Variants in ZNF74 observed in about 807,000 individuals in gnomAD.
The protein encoded by ZNF74 is zinc finger protein 74, also known as zinc finger protein 520.
In ZNF74, 12 loss-of-function variants were observed where a neutral mutation model predicts 17.7. The ratio of observed to expected loss-of-function variants is 0.68; its 90% CI spans 0.43 to 1.10. The LOEUF (loss-of-function observed/expected upper bound fraction) is 1.10. Among genes scored for constraint, ZNF74 ranks in the 50% least tolerant of loss-of-function variants. ZNF74 has a pLI of 0.00. For synonymous variants in ZNF74, 358 were observed against 362.1 expected (o/e 0.99, Z 0.13); for missense variants, 811 against 881.0 (o/e 0.92, Z 1.01).
rs1352297258 is a variant in ZNF74 at position 20,406,816 on chromosome 22, A to G, written c.1783A>G (p.Thr595Ala). Reference sequence around the variant, plus strand: ...CCAGTTCAACAAACACCTGCTCAGCACATACTACGTGCCTGGCAGCCTGCT... The same window carrying G: ...CCAGTTCAACAAACACCTGCTCAGCGCATACTACGTGCCTGGCAGCCTGCT... ...AIQFNKHLLS[T>A]YYVPGSLLGA... Residue 595 changes from threonine to alanine, a missense_variant, in exon 5 of 5, where the codon ACA becomes GCA. Physicochemically the swap from Thr to Ala is moderately conservative, Grantham distance 58. This residue lies in a region of ZNF74 where 115 missense variants were observed against 119.5 expected (regional missense o/e 0.96). Transcript: ENST00000400451. 1 of 1,614,110 alleles carries G rather than the reference A, an allele frequency of 6.2e-7. No homozygotes were observed. The highest frequency in any genetic ancestry group is 1.7e-5 in the Admixed American group (1 of 60,024).
Position 20,407,850 on chromosome 22 carries a change from G to A in ZNF74, c.*882G>A, listed in dbSNP as rs551159585. The A allele has an allele frequency of 9.2e-5, 14 of 152,300 alleles. No homozygotes were observed. Among genetic ancestry groups the A allele is most frequent in the East Asian group, 5.8e-4 (3 of 5,180 alleles). The allele number at this position is 152,300 out of a possible 1,614,324, so 9.4% of individuals were successfully genotyped here. A position where few individuals can be genotyped will look rare whatever the true frequency, so the allele number is the denominator to read the frequency against. On this transcript the variant is annotated 3_prime_UTR_variant, in exon 5 of 5. Coordinates refer to ENST00000400451, the MANE Select transcript of ZNF74 (RefSeq NM_003426.4). ...GGCATTCCCACAGCTGTCACAGCACGGCCCAGCATCATTGTAGCCAGATCC... is the reference window on the plus strand; with the variant it reads ...GGCATTCCCACAGCTGTCACAGCACAGCCCAGCATCATTGTAGCCAGATCC...
intron 2 of ZNF74, among the ~76,000 whole-genome samples, chr22:20,399,109 G>A (rs546042333): frequency 2.4e-4 from 37 of 152,266 alleles, no homozygotes; most frequent in African/African-American, 8.4e-4. Context: ...CTTGGTAAAT[G>A]TTCCACATGC....
In ZNF74 at chr22:20,401,133, C is replaced by A; in HGVS notation, c.248-144C>A. 1.6e-6 allele frequency: 1 copy of A among 626,896 alleles called. No individual in the cohort carries two copies. Among genetic ancestry groups the A allele is most frequent in the Non-Finnish European group, 2.9e-6 (1 of 349,966 alleles). The allele number at this position is 626,896 out of a possible 1,614,324, so 38.8% of individuals were successfully genotyped here. On this transcript the variant is annotated intron_variant, in intron 3 of 4. Transcript: ENST00000400451. This position sits in a 1 kb window ranked among gnomAD's most constrained non-coding sequence, Gnocchi z 4.2. ...GGGATTTGGGTTCCAGTCTGAGACC[C>A]TCACTGCTTTTGGCCCAGAGGACCT... is the stretch of plus-strand genomic sequence containing the variant.
At chr22:20,404,970 T>C (rs933379186) in intron 4 of ZNF74, among the ~76,000 whole-genome samples, 13 of 152,186 alleles carry the variant, frequency 8.5e-5, no homozygotes, top group African/African-American at 3.1e-4. Context: ...AAACATGTAT[T>C]TGTCCTGTGT....
At chr22:20,398,045 G>A (rs1241817933) in intron 2 of ZNF74, among the ~76,000 whole-genome samples, 1 of 152,216 alleles carries the variant, frequency 6.6e-6, no homozygotes, top group Non-Finnish European at 1.5e-5. Context: ...CAGGCCGGGT[G>A]CAGTGGCTCA....
In ZNF74 at chr22:20,401,549, A is replaced by G. The variant is rs1196455087; in HGVS notation, c.343+177A>G. ...CGTACTGAGCACTGCCTGTGTGCTG[A>G]GACCTGTTCTGGGATACAACAGGGA... On this transcript the variant is annotated intron_variant, in intron 4 of 4. Coordinates refer to ENST00000400451, the MANE Select transcript of ZNF74 (RefSeq NM_003426.4). The surrounding 1 kb of genome is among the most constrained non-coding windows in gnomAD (Gnocchi z 4.2). 1.3e-5 allele frequency among the ~76,000 whole-genome samples: 2 copies of G among 152,190 alleles called. No homozygotes were observed. Among genetic ancestry groups the G allele is most frequent in the Admixed American group, 6.5e-5 (1 of 15,280 alleles).
chr22:20,406,522 G>A lies in ZNF74; in HGVS notation c.1489G>A (p.Glu497Lys), dbSNP rs2052431522. ...CGTGCACCGGCGCATCCACACAGGCGAGAAGCCCTTCGACTGCAGCCAGTG... is the reference window on the plus strand; with the variant it reads ...CGTGCACCGGCGCATCCACACAGGCAAGAAGCCCTTCGACTGCAGCCAGTG... ...LIVHRRIHTG[E>K]KPFDCSQCWK... Residue 497 changes from glutamate (E) to lysine (K), a missense_variant, in exon 5 of 5, where the codon GAG (glutamate) becomes AAG (lysine). Coordinates refer to ENST00000400451, the MANE Select transcript of ZNF74 (RefSeq NM_003426.4). 6.2e-7 allele frequency: 1 copy of A among 1,614,130 alleles called. No individual in the cohort carries two copies.
rs770396197 is a variant in ZNF74, at chr22:20,405,762, C to G, written c.729C>G (p.Ala243=). 1 of 1,606,486 alleles carries G rather than the reference C, an allele frequency of 6.2e-7. No individual in the cohort carries two copies. Among genetic ancestry groups the G allele is most frequent in the South Asian group, 1.1e-5 (1 of 90,562 alleles). ...PQVRRQRGAG[A]GEGEFVCGEC... ...TGCGCCGGCAGCGCGGGGCGGGCGC[C>G]GGGGAGGGCGAGTTCGTGTGCGGCG... Residue 243 remains alanine (A), a synonymous_variant, in exon 5 of 5, where the codon GCC becomes GCG. Transcript: ENST00000400451.
In ZNF74 at chr22:20,407,568, G is replaced by A. The variant is rs1392166626; in HGVS notation, c.*600G>A. ...GCAAGACCCTGTGTGAAATTAAAAG[G>A]AGGTATATCAACTGTTGTATCCTCG... On this transcript the variant is annotated 3_prime_UTR_variant, in exon 5 of 5. Coordinates refer to ENST00000400451, the MANE Select transcript of ZNF74 (RefSeq NM_003426.4). The A allele has an allele frequency of 6.6e-6, 1 of 152,600 alleles. No individual in the cohort carries two copies. Among genetic ancestry groups the A allele is most frequent in the Non-Finnish European group, 1.5e-5 (1 of 68,380 alleles). The allele number at this position is 152,600 out of a possible 1,614,324, so 9.5% of individuals were successfully genotyped here.
In ZNF74 at chr22:20,400,346, A is replaced by G. The variant is rs1187690468; in HGVS notation, c.121-286A>G. The G allele has an allele frequency of 9.5e-6, 4 of 419,418 alleles. No homozygotes were observed. The Admixed American group carries it at 1.5e-4, about 16-fold the overall frequency. 26.0% of individuals were successfully genotyped at this position (419,418 alleles called of 1,614,324 possible). ...TTAGAGCCTGATACAACAGCCATGT[A>G]CAGCCCCTGGGTCCCACCGCAAGTT... is the stretch of plus-strand genomic sequence containing the variant. On this transcript the variant is annotated intron_variant, in intron 2 of 4. Coordinates refer to ENST00000400451, the MANE Select transcript of ZNF74 (RefSeq NM_003426.4).
intron 2 of ZNF74, among the ~76,000 whole-genome samples, chr22:20,399,343 T>C (rs1287938926): frequency 1.3e-5 from 2 of 152,000 alleles, no homozygotes; most frequent in African/African-American, 4.8e-5. Context: ...TAGTCCTCTC[T>C]CTGAAATCTA....
rs368450641 is a variant in ZNF74 at position 20,406,960 on chromosome 22, C to G, written c.1927C>G (p.Arg643Gly). ...GAATTTCTCCCTGGGGAGCAAACCT[C>G]GAAACTAACATGATGTGCTTTGGTG... Reference protein sequence around the residue: ...GRNFSLGSKPRN With the variant: ...GRNFSLGSKPGN The change falls in exon 5 of 5, where the codon CGA (arginine) becomes GGA (glycine). Residue 643 changes from arginine (R) to glycine (G), a missense_variant. By Grantham distance (125) the Arg-to-Gly change is moderately radical. Transcript: ENST00000400451. 37 of 1,611,316 alleles carry G rather than the reference C, an allele frequency of 2.3e-5. No individual in the cohort carries two copies. The highest frequency in any genetic ancestry group is 5.3e-5 in the African/African-American group (4 of 74,892).
In ZNF74 at chr22:20,406,809, G is replaced by C. The variant is rs201562425; in HGVS notation, c.1776G>C (p.Leu592=). The part of the protein sequence containing the change: ...KPLAIQFNKH[L]LSTYYVPGSL... ...TGGCCATCCAGTTCAACAAACACCT[G>C]CTCAGCACATACTACGTGCCTGGCA... is the stretch of plus-strand genomic sequence containing the variant. Residue 592 remains leucine, a synonymous_variant, in exon 5 of 5, where the codon CTG becomes CTC. Coordinates refer to ENST00000400451, the MANE Select transcript of ZNF74 (RefSeq NM_003426.4). 2 of 1,614,116 alleles carry C rather than the reference G, an allele frequency of 1.2e-6. No individual in the cohort carries two copies. Among genetic ancestry groups the C allele is most frequent in the East Asian group, 4.5e-5 (2 of 44,884 alleles).
rs774994451 is a variant in ZNF74, at chr22:20,406,013, C to A, written c.980C>A (p.Thr327Lys). 6.2e-7 allele frequency: 1 copy of A among 1,612,992 alleles called. No individual in the cohort carries two copies. Residue 327 changes from threonine to lysine, a missense_variant, in exon 5 of 5, where the codon ACG becomes AAG. By Grantham distance (78) the Thr-to-Lys change is moderately conservative (BLOSUM62 -1). Transcript: ENST00000400451. The part of the protein sequence containing the change: ...SSLNVHQRIH[T>K]GERPYKCSAC... ...CTCAACGTGCACCAGCGCATCCACACGGGCGAGCGGCCCTACAAGTGCAGC... is the reference window on the plus strand; with the variant it reads ...CTCAACGTGCACCAGCGCATCCACAAGGGCGAGCGGCCCTACAAGTGCAGC...
intron 2 of ZNF74, 127 bp from the exon 3 acceptor site, chr22:20,400,505 C>A: frequency 1.7e-6 from 2 of 1,170,494 alleles, no homozygotes; most frequent in Non-Finnish European, 2.5e-6. Context: ...TACAGCACAA[C>A]CTTCTGGCAT....
rs745846405 is a variant in ZNF74, at chr22:20,406,424, G to A, written c.1391G>A (p.Arg464His). The A allele has an allele frequency of 1.2e-6, 2 of 1,613,898 alleles. No individual in the cohort carries two copies. Among genetic ancestry groups the A allele is most frequent in the Non-Finnish European group, 1.7e-6 (2 of 1,179,966 alleles). The stretch of plus-strand genomic sequence containing the variant: ...CACGCGTACCTGCTCGTGCACCGGC[G>A]CATCCACAGCGGCGAGAAGCCCTTC... ...SCHAYLLVHR[R>H]IHSGEKPFKC... The change falls in exon 5 of 5, where the codon CGC becomes CAC. Residue 464 changes from arginine to histidine, a missense_variant. This residue lies in a region of ZNF74 where 666 missense variants were observed against 702.3 expected (regional missense o/e 0.95). Transcript: ENST00000400451.
At chr22:20,402,838 G>A (rs991918232) in intron 4 of ZNF74, among the ~76,000 whole-genome samples, 6 of 151,394 alleles carry the variant, frequency 4.0e-5, no homozygotes, top group Non-Finnish European at 8.8e-5. Context: ...TGGGCGTGGT[G>A]GTGAGCACCT....
Position 20,405,576 on chromosome 22 carries a change from C to G in ZNF74, c.543C>G (p.Leu181=), listed in dbSNP as rs766909600. The change falls in exon 5 of 5, where the codon CTC becomes CTG. Residue 181 remains leucine (L), a synonymous_variant. Transcript: ENST00000400451. ...ACGTCCCTGTAGAGGAATTCCCCCT[C>G]AGGTGTCCCCTCTTCGCCCAGCAAC... ...VWDVPVEEFP[L]RCPLFAQQRV... 6.2e-7 allele frequency: 1 copy of G among 1,611,646 alleles called. No homozygotes were observed. Among genetic ancestry groups the G allele is most frequent in the East Asian group, 2.2e-5 (1 of 44,786 alleles).
Position 20,405,588 on chromosome 22 carries a change from C to T in ZNF74, c.555C>T (p.Leu185=), listed in dbSNP as rs2052406953. 1.9e-6 allele frequency: 3 copies of T among 1,612,794 alleles called. No homozygotes were observed. The highest frequency in any genetic ancestry group is 2.5e-6 in the Non-Finnish European group (3 of 1,179,346). Residue 185 remains leucine, a synonymous_variant, in exon 5 of 5, where the codon CTC becomes CTT. Coordinates refer to ENST00000400451, the MANE Select transcript of ZNF74 (RefSeq NM_003426.4). ...PVEEFPLRCP[L]FAQQRVPEGG... ...AGGAATTCCCCCTCAGGTGTCCCCT[C>T]TTCGCCCAGCAACGCGTTCCCGAGG...
Sources: allele counts gnomAD v4.1 joint callset (sites outside exome capture counted in the v4.1 genomes callset), GRCh38; gene constraint gnomAD v4.1.1; regional missense constraint gnomAD v4.1.1; non-coding constraint Gnocchi (gnomAD v3.1); transcripts MANE v1.5; gene names NCBI Gene and HGNC (gene_info 2026-07-23, HGNC 2026-07-21).